The following R3HCC1L variants were observed in gnomAD, a reference collection of about 807,000 sequenced individuals.
R3HCC1L encodes the protein R3H domain and coiled-coil containing 1 like, also known as coiled-coil domain-containing protein R3HCC1L.
Under a neutral mutation model 59.9 loss-of-function variants are expected in R3HCC1L, and 51 were observed. That is an observed-to-expected ratio of 0.85 (90% CI 0.68 to 1.07). The LOEUF is 1.07. R3HCC1L is among the 50% of genes least tolerant of loss of function. R3HCC1L has a pLI of 0.00. For missense variants in R3HCC1L, 965 were observed against 933.0 expected (o/e 1.03, Z -0.45); for synonymous variants, 322 against 315.2 (o/e 1.02, Z -0.23).
At position 98,235,620 on chromosome 10, in the gene R3HCC1L, T is replaced by C. The variant is rs976654120; in HGVS notation, c.2128+100T>C. 33 of 868,208 alleles carry C rather than the reference T, an allele frequency of 3.8e-5. No homozygotes were observed. The Admixed American group carries it at 4.3e-4, about 11-fold the overall frequency. 53.8% of individuals were successfully genotyped at this position (868,208 alleles called of 1,614,324 possible). Reference sequence around the variant, plus strand: ...CAGACATCTAAAGACATATCACTTTTATTTTTAGTGTTAAAAGAAATATGT... The same window carrying C: ...CAGACATCTAAAGACATATCACTTTCATTTTTAGTGTTAAAAGAAATATGT... On this transcript the variant is annotated intron_variant, in intron 8 of 9. Coordinates refer to ENST00000298999, the MANE Select transcript of R3HCC1L (RefSeq NM_001351015.2).
chr10:98,144,570 T>C (rs1324148494), intron 1 of R3HCC1L, among the ~76,000 whole-genome samples: 1 of 152,136 alleles, frequency 6.6e-6, no homozygotes, highest in East Asian at 1.9e-4. Context: ...GAGACTGGGG[T>C]TCAAATTCTG....
Position 98,244,410 on chromosome 10 carries a change from G to T in R3HCC1L, c.*252G>T. The T allele has an allele frequency of 2.7e-6, 1 of 366,618 alleles. No homozygotes were observed. 22.7% of individuals were successfully genotyped at this position (366,618 alleles called of 1,614,324 possible). A position where few individuals can be genotyped will look rare whatever the true frequency, so the allele number is the denominator to read the frequency against. On this transcript the variant is annotated 3_prime_UTR_variant, in exon 10 of 10. Coordinates refer to ENST00000298999, the MANE Select transcript of R3HCC1L (RefSeq NM_001351015.2). ...TCAGCTAGGAAGAAACGTGGGAGAT[G>T]TGAATTCCAAGAGTTGCCTGGACAG...
chr10:98,145,310 T>C (rs1428620658), intron 1 of R3HCC1L, among the ~76,000 whole-genome samples: 2 of 152,168 alleles, frequency 1.3e-5, no homozygotes, highest in Non-Finnish European at 1.5e-5. Context: ...TGATATCTCT[T>C]GTGGAAGAAG....
At chr10:98,213,010 A>T (rs936074737) in intron 5 of R3HCC1L, among the ~76,000 whole-genome samples, 4 of 152,104 alleles carry the variant, frequency 2.6e-5, no homozygotes, top group African/African-American at 4.8e-5. Context: ...CACCCATCTT[A>T]CTTCTCAGTG....
At position 98,208,306 on chromosome 10, in the gene R3HCC1L, C is replaced by T. The variant is rs1190012395; in HGVS notation, c.192C>T (p.Asp64=). Residue 64 remains aspartate, a synonymous_variant, in exon 5 of 10, where the codon GAC becomes GAT. Coordinates refer to ENST00000298999, the MANE Select transcript of R3HCC1L (RefSeq NM_001351015.2). ...SSLSQKEVFK[D]KPEARRLNIN... ...TCTCCCAAAAAGAAGTCTTTAAAGA[C>T]AAACCGGAGGCTCGAAGACTAAATA... 3 of 1,614,086 alleles carry T rather than the reference C, an allele frequency of 1.9e-6. No homozygotes were observed. Among genetic ancestry groups the T allele is most frequent in the African/African-American group, 1.3e-5 (1 of 75,018 alleles).
At chr10:98,196,425 A>G (rs1181040510) in intron 4 of R3HCC1L, among the ~76,000 whole-genome samples, 4 of 152,094 alleles carry the variant, frequency 2.6e-5, no homozygotes, top group Admixed American at 2.6e-4. Context: ...TTCCAACAGC[A>G]TTTATCTTAT....
chr10:98,146,164 C>T (rs1845632519), intron 1 of R3HCC1L, among the ~76,000 whole-genome samples: 1 of 93,476 alleles, frequency 1.1e-5, no homozygotes, highest in Admixed American at 1.1e-4. Flanking sequence ...AAGTCTTAAG[C>T]TGTGATAGCA....
chr10:98,172,232 C>T (rs1308512271), intron 4 of R3HCC1L, among the ~76,000 whole-genome samples: 1 of 152,130 alleles, frequency 6.6e-6, no homozygotes, highest in Non-Finnish European at 1.5e-5. Flanking sequence ...CTGCAGAGTT[C>T]ATTTCACAGA....
intron 5 of R3HCC1L, 76 bp downstream of exon 5, chr10:98,209,975 G>A: frequency 1.7e-6 from 2 of 1,174,598 alleles, no homozygotes; most frequent in Non-Finnish European, 2.4e-6. Flanking sequence ...GATAGACAGT[G>A]ATGCACATTC....
chr10:98,149,640 C>T (rs1845963856), intron 1 of R3HCC1L, among the ~76,000 whole-genome samples: 2 of 152,290 alleles, frequency 1.3e-5, no homozygotes, highest in Admixed American at 1.3e-4. Flanking sequence ...CTGTGTGTTT[C>T]CTGAACTACT....
chr10:98,148,216 C>G (rs952218752), intron 1 of R3HCC1L, among the ~76,000 whole-genome samples: 5 of 152,092 alleles, frequency 3.3e-5, no homozygotes, highest in African/African-American at 7.2e-5. Flanking sequence ...ATATATAAAT[C>G]TACTGATTTT....
intron 1 of R3HCC1L, among the ~76,000 whole-genome samples, chr10:98,152,931 G>A (rs1380734367): frequency 1.3e-5 from 2 of 148,356 alleles, no homozygotes; most frequent in African/African-American, 5.2e-5. Flanking sequence ...CAGTCGCCCT[G>A]TCCGGGAGAG....
At chr10:98,145,483 A>G (rs575006979) in intron 1 of R3HCC1L, among the ~76,000 whole-genome samples, 1 of 152,350 alleles carries the variant, frequency 6.6e-6, no homozygotes, top group South Asian at 2.1e-4. Context: ...AGTTTTAGGC[A>G]TTAGGTTATT....
intron 4 of R3HCC1L, among the ~76,000 whole-genome samples, chr10:98,203,712 A>G (rs897255401): frequency 7.9e-5 from 12 of 152,284 alleles, no homozygotes; most frequent in South Asian, 2.1e-4. Context: ...TGAAAGCCCA[A>G]TTTATTGTGT....
chr10:98,164,687 G>C (rs1847764486), intron 4 of R3HCC1L, among the ~76,000 whole-genome samples: 1 of 152,160 alleles, frequency 6.6e-6, no homozygotes, highest in South Asian at 2.1e-4. Flanking sequence ...CAAGTCCCCA[G>C]ATGCAGTGCT....
chr10:98,167,884 C>G lies in R3HCC1L; in HGVS notation c.-15+4487C>G, dbSNP rs78103397. On this transcript the variant is annotated intron_variant, in intron 4 of 9. Coordinates refer to ENST00000298999, the MANE Select transcript of R3HCC1L (RefSeq NM_001351015.2). ...GATTGAGTCTGGTGGCTTCTACTTT[C>G]AAAATTTACCCAGTGGTTTATTAGC... Among the ~76,000 whole-genome samples the G allele has an allele frequency of 2.8e-3, 425 of 152,280 alleles. 2 individuals carry two copies. Among genetic ancestry groups the G allele is most frequent in the Middle Eastern group, 0.01 (3 of 294 alleles).
intron 4 of R3HCC1L, among the ~76,000 whole-genome samples, chr10:98,174,113 A>G (rs1848772974): frequency 6.6e-6 from 1 of 152,174 alleles, no homozygotes; most frequent in Non-Finnish European, 1.5e-5. Context: ...GAAATTAGAG[A>G]ACATTTCAAA....
rs1290719090 is a variant in R3HCC1L, at chr10:98,244,188, G to C, written c.*30G>C. ...CACTCAATGAAAGGGATAATTCCATGAATCAGAAAATGTTTCCATAGCCTT... is the reference window on the plus strand; with the variant it reads ...CACTCAATGAAAGGGATAATTCCATCAATCAGAAAATGTTTCCATAGCCTT... On this transcript the variant is annotated 3_prime_UTR_variant, in exon 10 of 10. Coordinates refer to ENST00000298999, the MANE Select transcript of R3HCC1L (RefSeq NM_001351015.2). 1 of 1,597,782 alleles carries C rather than the reference G, an allele frequency of 6.3e-7. No homozygotes were observed. Among genetic ancestry groups the C allele is most frequent in the Non-Finnish European group, 8.6e-7 (1 of 1,165,662 alleles).
At chr10:98,155,866 T>C (rs1846810039) in intron 1 of R3HCC1L, among the ~76,000 whole-genome samples, 1 of 152,002 alleles carries the variant, frequency 6.6e-6, no homozygotes, top group Non-Finnish European at 1.5e-5. Context: ...TGTTATTAAA[T>C]ACCATCTCCA....
Sources: gnomAD v4.1 joint callset for allele counts (sites outside exome capture counted in the v4.1 genomes callset) on GRCh38, gnomAD v4.1.1 for gene constraint, MANE v1.5 for transcripts, NCBI Gene and HGNC (gene_info 2026-07-23, HGNC 2026-07-21) for gene names.